The following KALRN variants were observed in gnomAD, a reference collection of about 807,000 sequenced individuals.
The protein encoded by KALRN is kalirin.
A neutral mutation model predicts 353.7 loss-of-function variants in KALRN; 70 were observed. The ratio of observed to expected loss-of-function variants is 0.20; its 90% confidence interval spans 0.16 to 0.24. The LOEUF (loss-of-function observed/expected upper bound fraction) is 0.24, where lower values mean the gene tolerates loss of function less well. KALRN is among the 10% of genes least tolerant of loss of function. The probability of loss-of-function intolerance (pLI) is 1.00; values close to 1 mark genes in which losing one functional copy is unlikely to be tolerated. For missense variants in KALRN, 2,791 were observed against 3,756.7 expected (o/e 0.74, Z 6.72); for synonymous variants, 1,391 against 1,434.8 (o/e 0.97, Z 0.69).
chr3:124,718,206 C>G (rs184866509), intron 59 of KALRN, among the ~76,000 whole-genome samples: 1 of 150,390 alleles, frequency 6.6e-6, no homozygotes, highest in Non-Finnish European at 1.5e-5. Context: ...ACTGCAACCT[C>G]TACCTCCCAG....
At chr3:124,175,473 G>A (rs555977820) in intron 1 of KALRN, among the ~76,000 whole-genome samples, 35 of 147,852 alleles carry the variant, frequency 2.4e-4, no homozygotes, top group Non-Finnish European at 2.2e-4. Flanking sequence ...GCGTGCTGCC[G>A]AGTGTCCAGG....
At chr3:124,492,663 T>A (rs2063296994) in intron 31 of KALRN, 77 bp from the exon 32 acceptor site, 3 of 1,443,036 alleles carry the variant, frequency 2.1e-6, no homozygotes, top group Non-Finnish European at 1.9e-6. Flanking sequence ...AGATGAAGAC[T>A]GCAGGAGGGT....
chr3:124,589,781 C>T (rs1184609839), intron 34 of KALRN, among the ~76,000 whole-genome samples: 1 of 152,090 alleles, frequency 6.6e-6, no homozygotes, highest in Non-Finnish European at 1.5e-5. Context: ...CTGCGGGTAC[C>T]AAACTTTAAG....
intron 3 of KALRN, among the ~76,000 whole-genome samples, chr3:124,257,679 C>T (rs1164589955): frequency 6.6e-6 from 1 of 152,138 alleles, no homozygotes; most frequent in East Asian, 1.9e-4. Flanking sequence ...CCTCAGGGGA[C>T]CCATGGCCCA....
chr3:124,225,941 TGAAA>T (rs2078441964), intron 1 of KALRN, among the ~76,000 whole-genome samples: 1 of 152,224 alleles, frequency 6.6e-6, no homozygotes, highest in Admixed American at 6.5e-5. Flanking sequence ...GTAAATAATC[TGAAA>T]GAAGACAGGA....
chr3:124,424,692 G>A (rs1053704072), intron 15 of KALRN, among the ~76,000 whole-genome samples: 8 of 152,186 alleles, frequency 5.3e-5, no homozygotes, highest in Non-Finnish European at 1.2e-4. Flanking sequence ...TAAGGACTTG[G>A]TGGAAATCCT....
At chr3:124,585,419 G>T (rs2075068067) in intron 34 of KALRN, among the ~76,000 whole-genome samples, 1 of 152,188 alleles carries the variant, frequency 6.6e-6, no homozygotes. Flanking sequence ...ATTTTTTTCT[G>T]CCTGGGTTTT....
chr3:124,637,258 T>C lies in KALRN; in HGVS notation c.5619T>C (p.Ala1873=). 1 of 1,614,196 alleles carries C rather than the reference T, an allele frequency of 6.2e-7. No homozygotes were observed. Among genetic ancestry groups the C allele is most frequent in the East Asian group, 2.2e-5 (1 of 44,886 alleles). The change falls in exon 37 of 60, where the codon GCT becomes GCC. Residue 1873 remains alanine (A), a synonymous_variant. Transcript: ENST00000682506. ...AGGCTTCCACTGAAGTACCTACTGC[T>C]GCAGACCTTGTCAATGCAATAGAAA... ...ARQASTEVPT[A]ADLVNAIEKL... is the part of the protein sequence containing the mutation.
intron 29 of KALRN, 27 bp downstream of exon 29, chr3:124,488,342 G>A: frequency 2.1e-6 from 3 of 1,446,676 alleles, no homozygotes; most frequent in African/African-American, 1.4e-5. Flanking sequence ...CACTGGGGAA[G>A]CCTCCTCTCT....
At chr3:124,555,431 A>AAATG (rs2071111893) in intron 33 of KALRN, among the ~76,000 whole-genome samples, 1 of 142,688 alleles carries the variant, frequency 7.0e-6, no homozygotes, top group Non-Finnish European at 1.5e-5. Flanking sequence ...ATAAATAAAT[A>AAATG]AATAAATAAA....
intron 10 of KALRN, among the ~76,000 whole-genome samples, chr3:124,378,346 G>A (rs1358242460): frequency 6.6e-6 from 1 of 151,896 alleles, no homozygotes; most frequent in African/African-American, 2.4e-5. Context: ...TGGTCTTTGT[G>A]CTGTTGTCAT....
intron 34 of KALRN, among the ~76,000 whole-genome samples, chr3:124,587,834 A>C (rs748464715): frequency 1.4e-4 from 21 of 151,078 alleles, no homozygotes; most frequent in Non-Finnish European, 1.8e-4. Context: ...GGCTGGGACC[A>C]TAGGTGCATG....
chr3:124,558,084 G>A (rs2071495413), intron 33 of KALRN, among the ~76,000 whole-genome samples: 1 of 152,012 alleles, frequency 6.6e-6, no homozygotes, highest in South Asian at 2.1e-4. Context: ...GAGCCTCAGG[G>A]TCAGTTCTTC....
intron 5 of KALRN, 136 bp downstream of exon 5, chr3:124,269,391 ATT>A: frequency 1.1e-6 from 1 of 938,906 alleles, no homozygotes; most frequent in Non-Finnish European, 1.5e-6. Context: ...AGCTAATGTA[ATT>A]TTTTTAAGCT....
At chr3:124,674,684 A>C in intron 49 of KALRN, 70 bp downstream of exon 49, 1 of 1,429,122 alleles carries the variant, frequency 7.0e-7, no homozygotes, top group Non-Finnish European at 9.3e-7. Flanking sequence ...AAACAAAAGA[A>C]CACAAAAATG....
chr3:124,361,017 G>A (rs1010285424), intron 10 of KALRN, among the ~76,000 whole-genome samples: 12 of 152,172 alleles, frequency 7.9e-5, no homozygotes, highest in Non-Finnish European at 1.8e-4. Context: ...ATTTATTGAA[G>A]GCACGCTTTT....
At chr3:124,711,076 T>C (rs73195597) in intron 57 of KALRN, among the ~76,000 whole-genome samples, 2 of 152,210 alleles carry the variant, frequency 1.3e-5, no homozygotes, top group Admixed American at 6.5e-5. Context: ...GAAACAAAAC[T>C]GCCATTTTGA....
At chr3:124,466,034 CTGTGTGTGTGTGTGTG>C (rs10639598) in intron 25 of KALRN, among the ~76,000 whole-genome samples, 4 of 147,352 alleles carry the variant, frequency 2.7e-5, no homozygotes, top group South Asian at 2.2e-4. Context: ...CTCTCTTGCT[CTGTGTGTGTGTGTGTG>C]TGTGTGTGTG....
chr3:124,527,935 G>A (rs777967710), intron 33 of KALRN, among the ~76,000 whole-genome samples: 8 of 152,284 alleles, frequency 5.3e-5, no homozygotes, highest in Admixed American at 1.3e-4. Flanking sequence ...TCAAGGTTTG[G>A]TCCAAGTTCT....
Sources: gnomAD v4.1 joint callset for allele counts (sites outside exome capture counted in the v4.1 genomes callset) on GRCh38, gnomAD v4.1.1 for gene constraint, MANE v1.5 for transcripts, NCBI Gene and HGNC (gene_info 2026-07-23, HGNC 2026-07-21) for gene names.